Variants in KCNH1 observed in about 807,000 individuals in gnomAD.
KCNH1 encodes the protein voltage-gated delayed rectifier potassium channel KCNH1.
In KCNH1, 27 loss-of-function variants were observed where a neutral mutation model predicts 69.2. The observed-to-expected ratio is 0.39, with a 90% CI of 0.29 to 0.54. The LOEUF (loss-of-function observed/expected upper bound fraction) is 0.54, where lower values mean the gene tolerates loss of function less well. KCNH1 is among the 20% of genes least tolerant of loss of function. The pLI is 0.68. For synonymous variants in KCNH1, 456 were observed against 487.7 expected, an observed-to-expected ratio of 0.93 and a Z score of 0.86; for missense variants, 798 against 1,261.6, an observed-to-expected ratio of 0.63 and a Z score of 5.57.
chr1:211,042,717 G>T (rs1173325753), intron 5 of KCNH1, among the ~76,000 whole-genome samples: 1 of 152,008 alleles, frequency 6.6e-6, no homozygotes, highest in African/African-American at 2.4e-5. Flanking sequence ...CATATGATAG[G>T]CCACAAAAAC....
chr1:210,907,606 C>T (rs564510625), intron 7 of KCNH1, among the ~76,000 whole-genome samples: 2 of 151,878 alleles, frequency 1.3e-5, no homozygotes, highest in South Asian at 4.2e-4. Flanking sequence ...TGTCCTAGTG[C>T]CAGGGCTGAG....
At chr1:211,035,236 CTTTTTTTTTTTTT>C (rs765170558) in intron 5 of KCNH1, among the ~76,000 whole-genome samples, 2 of 75,050 alleles carry the variant, frequency 2.7e-5, no homozygotes, top group Non-Finnish European at 2.4e-5. Flanking sequence ...TACTGGCATT[CTTTTTTTTTTTTT>C]TTTTTTTTTT....
At chr1:210,684,177 C>T (rs1215959630) in intron 10 of KCNH1, 39 bp from the exon 11 acceptor site, 1 of 1,482,466 alleles carries the variant, frequency 6.7e-7, no homozygotes, top group African/African-American at 1.4e-5. Context: ...GGCGTGTTAG[C>T]CACATGCTGG....
intron 10 of KCNH1, among the ~76,000 whole-genome samples, chr1:210,727,267 A>G (rs536981150): frequency 6.6e-6 from 1 of 152,322 alleles, no homozygotes; most frequent in Non-Finnish European, 1.5e-5. Flanking sequence ...GCATATTCCC[A>G]CTAAGTCTCC....
At chr1:210,900,258 G>A (rs1485677949) in intron 7 of KCNH1, among the ~76,000 whole-genome samples, 1 of 152,198 alleles carries the variant, frequency 6.6e-6, no homozygotes, top group African/African-American at 2.4e-5. Context: ...ACGTACCAAG[G>A]GAGCTGGGAA....
chr1:210,739,549 A>G (rs954794427), intron 10 of KCNH1, among the ~76,000 whole-genome samples: 2 of 152,234 alleles, frequency 1.3e-5, no homozygotes, highest in African/African-American at 2.4e-5. Context: ...CACCCTGAAC[A>G]TGCACTGCTG....
chr1:210,964,236 C>T (rs1330009675), intron 6 of KCNH1, among the ~76,000 whole-genome samples: 1 of 152,162 alleles, frequency 6.6e-6, no homozygotes, highest in African/African-American at 2.4e-5. Context: ...CGAGCAAATG[C>T]TGAGAGATTT....
At chr1:211,117,757 C>T (rs1462805804) in intron 1 of KCNH1, among the ~76,000 whole-genome samples, 1 of 152,196 alleles carries the variant, frequency 6.6e-6, no homozygotes, top group Non-Finnish European at 1.5e-5. Context: ...TAAGTCACTT[C>T]AGCTCTGTGG....
At chr1:211,021,697 T>A (rs1394943517) in intron 5 of KCNH1, among the ~76,000 whole-genome samples, 1 of 151,606 alleles carries the variant, frequency 6.6e-6, no homozygotes, top group Non-Finnish European at 1.5e-5. Flanking sequence ...TAGCAAACAA[T>A]CTGAAAATGA....
At chr1:210,768,579 T>C (rs989574441) in intron 10 of KCNH1, among the ~76,000 whole-genome samples, 1 of 152,224 alleles carries the variant, frequency 6.6e-6, no homozygotes, top group Non-Finnish European at 1.5e-5. Flanking sequence ...CACTACCATT[T>C]GGGGTAGGCG....
intron 7 of KCNH1, among the ~76,000 whole-genome samples, chr1:210,846,436 A>C (rs1257318261): frequency 6.6e-6 from 1 of 152,190 alleles, no homozygotes; most frequent in Non-Finnish European, 1.5e-5. Context: ...CATATCTACA[A>C]CCATCTGATC....
chr1:210,847,981 G>A (rs1685598473), intron 7 of KCNH1, among the ~76,000 whole-genome samples: 1 of 152,166 alleles, frequency 6.6e-6, no homozygotes, highest in East Asian at 1.9e-4. Context: ...TGTCGTTTAA[G>A]ATGAAAAACA....
chr1:210,917,125 AAC>A (rs1043106702), intron 7 of KCNH1, among the ~76,000 whole-genome samples: 3 of 151,778 alleles, frequency 2.0e-5, no homozygotes, highest in African/African-American at 7.3e-5. Context: ...CAGCCTGGGC[AAC>A]AGAGTGAGAC....
intron 10 of KCNH1, among the ~76,000 whole-genome samples, chr1:210,736,079 C>T (rs895544878): frequency 2.6e-5 from 4 of 151,774 alleles, no homozygotes; most frequent in African/African-American, 9.7e-5. Flanking sequence ...AAGTTGCCCA[C>T]GTTGGAATGC....
chr1:210,881,242 A>G (rs1686488286), intron 7 of KCNH1, among the ~76,000 whole-genome samples: 1 of 152,204 alleles, frequency 6.6e-6, no homozygotes, highest in African/African-American at 2.4e-5. Flanking sequence ...AGCTCAAGTA[A>G]TCTGCCCACC....
chr1:211,081,765 C>G (rs1272971228), intron 5 of KCNH1, among the ~76,000 whole-genome samples: 1 of 152,096 alleles, frequency 6.6e-6, no homozygotes, highest in Non-Finnish European at 1.5e-5. Flanking sequence ...GGGAATTGAA[C>G]AATGAGAACA....
chr1:211,119,466 C>T (rs747293763), intron 1 of KCNH1, among the ~76,000 whole-genome samples: 28 of 151,928 alleles, frequency 1.8e-4, no homozygotes, highest in Non-Finnish European at 3.4e-4. Flanking sequence ...AGAATAAGTG[C>T]TGTGTATTTT....
chr1:211,052,063 G>A (rs1365374789), intron 5 of KCNH1, among the ~76,000 whole-genome samples: 1 of 152,140 alleles, frequency 6.6e-6, no homozygotes, highest in Non-Finnish European at 1.5e-5. Context: ...TTGATCCCTG[G>A]CATCATTGAA....
At chr1:210,859,679 TA>T in intron 7 of KCNH1, 1 of 1,288,160 alleles carries the variant, frequency 7.8e-7, no homozygotes, top group Non-Finnish European at 1.1e-6. Context: ...TTTAATCCAT[TA>T]AATAAAAGGA....
Sources: allele counts gnomAD v4.1 joint callset (sites outside exome capture counted in the v4.1 genomes callset), GRCh38; gene constraint gnomAD v4.1.1; transcripts MANE v1.5; gene names NCBI Gene and HGNC (gene_info 2026-07-23, HGNC 2026-07-21).